NRG2: variants seen among roughly 807,000 people sequenced by gnomAD.
NRG2 encodes neuregulin 2.
A neutral mutation model predicts 73.9 loss-of-function variants in NRG2; 27 were observed. That is an observed-to-expected ratio of 0.37 (90% CI 0.27 to 0.50). The LOEUF (loss-of-function observed/expected upper bound fraction) is 0.50. Ranked by LOEUF, NRG2 falls within the 20% of genes least tolerant of loss-of-function variation. NRG2 has a pLI of 0.96. For synonymous variants in NRG2, 532 were observed against 541.0 expected, an observed-to-expected ratio of 0.98 and a Z score of 0.23; for missense variants, 1,126 against 1,210.1, an observed-to-expected ratio of 0.93 and a Z score of 1.03.
At chr5:140,006,590 T>A (rs1261982692) in intron 1 of NRG2, among the ~76,000 whole-genome samples, 2 of 152,194 alleles carry the variant, frequency 1.3e-5, no homozygotes, top group African/African-American at 4.8e-5. Flanking sequence ...ATTCATAAGA[T>A]TGTCTAATAT....
At position 139,869,928 on chromosome 5, in the gene NRG2, C is replaced by T. The variant is rs544656654; in HGVS notation, c.1112+1793G>A. 1.3e-5 allele frequency among the ~76,000 whole-genome samples: 2 copies of T among 152,212 alleles called. No individual in the cohort carries two copies. Among genetic ancestry groups the T allele is most frequent in the Non-Finnish European group, 2.9e-5 (2 of 68,038 alleles). On this transcript the variant is annotated intron_variant, in intron 4 of 9. Coordinates refer to ENST00000361474, the MANE Select transcript of NRG2 (RefSeq NM_004883.3). This position sits in a 1 kb window ranked among gnomAD's most constrained non-coding sequence, Gnocchi z 4.5. The stretch of plus-strand genomic sequence containing the variant: ...CCCCCATGGCCCTCCTCAGCCCTGG[C>T]ACCTGTCCTGAGGGGCCAGAACCTT...
Position 139,865,206 on chromosome 5 carries a change from C to G in NRG2, c.1189+343G>C, listed in dbSNP as rs956299017. Reference sequence around the variant, plus strand: ...AAGAAAGAAAACCAGAAAGAGAGAGCCAGGATAGCAAGACACAGGCATTGC... The same window carrying G: ...AAGAAAGAAAACCAGAAAGAGAGAGGCAGGATAGCAAGACACAGGCATTGC... On this transcript the variant is annotated intron_variant, in intron 5 of 9. Coordinates refer to ENST00000361474, the MANE Select transcript of NRG2 (RefSeq NM_004883.3). This position sits in a 1 kb window ranked among gnomAD's most constrained non-coding sequence, Gnocchi z 5.2. The G allele has an allele frequency of 1.3e-6, 2 of 1,585,296 alleles. No individual in the cohort carries two copies. Among genetic ancestry groups the G allele is most frequent in the Non-Finnish European group, 1.7e-6 (2 of 1,154,248 alleles).
chr5:139,934,890 C>T lies in NRG2; in HGVS notation c.701-47379G>A, dbSNP rs10045339. ...ATAAGAAATAACAATCCTGGCCGGGCGCGGTGGCTCATGCCTGTAATCCCA... is the reference window on the plus strand; with the variant it reads ...ATAAGAAATAACAATCCTGGCCGGGTGCGGTGGCTCATGCCTGTAATCCCA... On this transcript the variant is annotated intron_variant, in intron 1 of 9. Transcript: ENST00000361474. Among the ~76,000 whole-genome samples, 672 of 152,256 alleles carry T rather than the reference C, an allele frequency of 4.4e-3. 7 individuals carry two copies. Among genetic ancestry groups the T allele is most frequent in the African/African-American group, 0.015 (604 of 41,544 alleles).
chr5:139,946,507 AC>A (rs1325111003), intron 1 of NRG2, among the ~76,000 whole-genome samples: 1 of 152,136 alleles, frequency 6.6e-6, no homozygotes, highest in Non-Finnish European at 1.5e-5. Context: ...AAGAGCTCAA[AC>A]TATAAAATTC....
chr5:139,963,409 A>G (rs1325907650), intron 1 of NRG2, among the ~76,000 whole-genome samples: 2 of 152,344 alleles, frequency 1.3e-5, no homozygotes, highest in East Asian at 3.9e-4. Context: ...ACCCGTCCCT[A>G]TCTCAACCAG....
rs1302484413 is a variant in NRG2 at position 140,042,444 on chromosome 5, G to A, written c.626C>T (p.Thr209Met). Reference sequence around the variant, plus strand: ...GTTGGTATCGAGGGGGGCAAAGGCCGTCTTAAAGACTAAGGGCTGTTCCGT... The same window carrying A: ...GTTGGTATCGAGGGGGGCAAAGGCCATCTTAAAGACTAAGGGCTGTTCCGT... Reference protein sequence around the residue: ...EPTEQPLVFKTAFAPLDTNGK... With the variant: ...EPTEQPLVFKMAFAPLDTNGK... Residue 209 changes from threonine (T) to methionine (M), a missense_variant, in exon 1 of 10, where the codon ACG becomes ATG. Physicochemically the swap from Thr to Met is moderately conservative, Grantham distance 81. Around this residue, in one of 3 missense-constraint regions of NRG2, gnomAD observed 539 missense variants for 703.2 expected, o/e 0.77. Coordinates refer to ENST00000361474, the MANE Select transcript of NRG2 (RefSeq NM_004883.3). 10 of 1,611,670 alleles carry A rather than the reference G, an allele frequency of 6.2e-6. No homozygotes were observed. Among genetic ancestry groups the A allele is most frequent in the Middle Eastern group, 1.7e-4 (1 of 6,026 alleles).
At chr5:139,877,231 T>C (rs1028396623) in intron 3 of NRG2, among the ~76,000 whole-genome samples, 4 of 152,194 alleles carry the variant, frequency 2.6e-5, no homozygotes, top group African/African-American at 9.6e-5. Flanking sequence ...TGCCCGCCAG[T>C]TCAGGAAGGC....
chr5:139,952,659 T>A (rs756803717), intron 1 of NRG2, among the ~76,000 whole-genome samples: 2 of 152,184 alleles, frequency 1.3e-5, no homozygotes, highest in African/African-American at 4.8e-5. Flanking sequence ...CCTACCACGG[T>A]GGAGGAGGAA....
At chr5:139,925,784 C>A (rs1752011140) in intron 1 of NRG2, among the ~76,000 whole-genome samples, 1 of 152,150 alleles carries the variant, frequency 6.6e-6, no homozygotes, top group African/African-American at 2.4e-5. Context: ...AGGACCCCTG[C>A]AGGGATGGGG....
rs749116166 is a variant in NRG2 at position 139,851,635 on chromosome 5, C to G, written c.1741G>C (p.Asp581His). 2 of 1,614,084 alleles carry G rather than the reference C, an allele frequency of 1.2e-6. No individual in the cohort carries two copies. The stretch of plus-strand genomic sequence containing the variant: ...CTGTGTGGGGAGTCGCGAAGGGAGT[C>G]CACGGAATCGTGATAGGGTGGCGCG... ...ATAPPYHDSV[D>H]SLRDSPHSER... Residue 581 changes from aspartate to histidine, a missense_variant, in exon 9 of 10, where the codon GAC becomes CAC. Asp to His is a moderately conservative substitution (Grantham distance 81). This residue lies in a region of NRG2 where 539 missense variants were observed against 703.2 expected (regional missense o/e 0.77). Transcript: ENST00000361474. This position sits in a 1 kb window ranked among gnomAD's most constrained non-coding sequence, Gnocchi z 4.2.
intron 1 of NRG2, among the ~76,000 whole-genome samples, chr5:139,933,654 T>A (rs1752639193): frequency 1.3e-5 from 2 of 152,212 alleles, no homozygotes; most frequent in Admixed American, 6.5e-5. Context: ...CTGGAAATCT[T>A]AATACTTTTC....
intron 1 of NRG2, among the ~76,000 whole-genome samples, chr5:140,041,001 A>G (rs1340050940): frequency 2.0e-5 from 3 of 152,182 alleles, no homozygotes; most frequent in Non-Finnish European, 4.4e-5. Flanking sequence ...GTGTCTAGAT[A>G]TACTCCCATC....
intron 1 of NRG2, among the ~76,000 whole-genome samples, chr5:140,036,636 A>T (rs1761528031): frequency 6.6e-6 from 1 of 152,216 alleles, no homozygotes; most frequent in African/African-American, 2.4e-5. Flanking sequence ...ATTTCTATGT[A>T]CAAATTCGAA....
At chr5:139,922,724 A>G (rs557182234) in intron 1 of NRG2, among the ~76,000 whole-genome samples, 2 of 152,370 alleles carry the variant, frequency 1.3e-5, no homozygotes, top group Admixed American at 6.5e-5. Context: ...AGATGAATGA[A>G]TAAATAAACT....
Position 139,904,325 on chromosome 5 carries a change from G to C in NRG2, c.701-16814C>G, listed in dbSNP as rs766000569. On this transcript the variant is annotated intron_variant, in intron 1 of 9. Coordinates refer to ENST00000361474, the MANE Select transcript of NRG2 (RefSeq NM_004883.3). This position sits in a 1 kb window ranked among gnomAD's most constrained non-coding sequence, Gnocchi z 6.0. Reference sequence around the variant, plus strand: ...GCCCTACCTTTCTCCCCGGGATCGGGCTCCCTCTCCCGCTTCCTCCCCTCT... The same window carrying C: ...GCCCTACCTTTCTCCCCGGGATCGGCCTCCCTCTCCCGCTTCCTCCCCTCT... 1.3e-6 allele frequency: 2 copies of C among 1,591,618 alleles called. No individual in the cohort carries two copies. Among genetic ancestry groups the C allele is most frequent in the Non-Finnish European group, 8.5e-7 (1 of 1,177,238 alleles).
Position 139,954,648 on chromosome 5 carries a change from C to T in NRG2, c.701-67137G>A, listed in dbSNP as rs114519016. On this transcript the variant is annotated intron_variant, in intron 1 of 9. Coordinates refer to ENST00000361474, the MANE Select transcript of NRG2 (RefSeq NM_004883.3). The surrounding 1 kb of genome is among the most constrained non-coding windows in gnomAD (Gnocchi z 5.0). Reference sequence around the variant, plus strand: ...CTCCAGGCCAAGCCCTCCACCCCAGCGACTCTCCGCAGAGGCCCCTGCGCG... The same window carrying T: ...CTCCAGGCCAAGCCCTCCACCCCAGTGACTCTCCGCAGAGGCCCCTGCGCG... Among the ~76,000 whole-genome samples, 4,606 of 152,304 alleles carry T rather than the reference C, an allele frequency of 0.03. 100 individuals carry two copies. The highest frequency in any genetic ancestry group is 0.065 in the Middle Eastern group (19 of 292).
At chr5:139,873,881 C>T (rs1763012515) in intron 3 of NRG2, among the ~76,000 whole-genome samples, 1 of 152,238 alleles carries the variant, frequency 6.6e-6, no homozygotes, top group African/African-American at 2.4e-5. Flanking sequence ...AGGACAACTC[C>T]TGAGGAAAGA....
chr5:139,874,502 C>T (rs148239306), intron 3 of NRG2, among the ~76,000 whole-genome samples: 36 of 152,316 alleles, frequency 2.4e-4, no homozygotes, highest in African/African-American at 7.7e-4. Context: ...ATTTCCACTT[C>T]CTCAAGAGAC....
rs555298406 is a variant in NRG2 at position 139,940,503 on chromosome 5, G to A, written c.701-52992C>T. ...GCATACATTTGCTAAAACTCATCAA[G>A]TTGTACTCTTAAAATTGGTGAAATT... On this transcript the variant is annotated intron_variant, in intron 1 of 9. Coordinates refer to ENST00000361474, the MANE Select transcript of NRG2 (RefSeq NM_004883.3). Among the ~76,000 whole-genome samples, 7 of 152,288 alleles carry A rather than the reference G, an allele frequency of 4.6e-5. No homozygotes were observed. The South Asian group carries it at 1.5e-3, about 32-fold the overall frequency.
Sources: allele counts gnomAD v4.1 joint callset (sites outside exome capture counted in the v4.1 genomes callset), GRCh38; gene constraint gnomAD v4.1.1; regional missense constraint gnomAD v4.1.1; non-coding constraint Gnocchi (gnomAD v3.1); transcripts MANE v1.5; gene names NCBI Gene and HGNC (gene_info 2026-07-23, HGNC 2026-07-21).